The following SNX1 variants were observed in gnomAD, a reference collection of about 807,000 sequenced individuals.
SNX1 encodes the protein sorting nexin-1.
A neutral mutation model predicts 71.8 loss-of-function variants in SNX1; 36 were observed. That is an observed-to-expected ratio of 0.50 (90% confidence interval 0.38 to 0.66). SNX1 has a LOEUF of 0.66. Ranked by LOEUF, SNX1 falls within the 30% of genes least tolerant of loss-of-function variation. SNX1 has a pLI of 0.00. For missense variants in SNX1, 612 were observed against 646.7 expected (o/e 0.95, Z 0.58); for synonymous variants, 254 against 240.7 (o/e 1.06, Z -0.51).
rs114481134 is a variant in SNX1 at position 64,132,402 on chromosome 15, G to T, written c.1221+510G>T. 1,059 of 162,444 alleles carry T rather than the reference G, an allele frequency of 6.5e-3. 14 individuals carry two copies. The highest frequency in any genetic ancestry group is 0.024 in the African/African-American group (1,005 of 41,678). 10.1% of individuals were successfully genotyped at this position (162,444 alleles called of 1,614,324 possible). A position where few individuals can be genotyped will look rare whatever the true frequency, so the allele number is the denominator to read the frequency against. On this transcript the variant is annotated intron_variant, in intron 11 of 14. Coordinates refer to ENST00000559844, the MANE Select transcript of SNX1 (RefSeq NM_003099.5). ...ATTGCATGGAGGAGTGCGGCCAGGG[G>T]ACTGAGAGAGCTTGTCACCAGAGCC...
Position 64,143,132 on chromosome 15 carries a change from G to C in SNX1, c.*5514G>C, listed in dbSNP as rs903658386. 1 of 167,888 alleles carries C rather than the reference G, an allele frequency of 6.0e-6. No homozygotes were observed. The highest frequency in any genetic ancestry group is 2.4e-5 in the African/African-American group (1 of 41,678). 10.4% of individuals were successfully genotyped at this position (167,888 alleles called of 1,614,324 possible). On this transcript the variant is annotated 3_prime_UTR_variant, in exon 15 of 15. Transcript: ENST00000559844. ...TAGGGGGAAGGGGAGGGCGGGAGAAGATAATGGGGATCCCTGGCTCCAAAC... is the reference window on the plus strand; with the variant it reads ...TAGGGGGAAGGGGAGGGCGGGAGAACATAATGGGGATCCCTGGCTCCAAAC...
rs2081374493 is a variant in SNX1 at position 64,137,768 on chromosome 15, C to T, written c.*150C>T. On this transcript the variant is annotated 3_prime_UTR_variant, in exon 15 of 15. Coordinates refer to ENST00000559844, the MANE Select transcript of SNX1 (RefSeq NM_003099.5). The stretch of plus-strand genomic sequence containing the variant: ...CCACGACCAACTGTCCCCAGTTACT[C>T]TAACCGTTATTTCATTTAGCTTCCA... 2 of 1,462,160 alleles carry T rather than the reference C, an allele frequency of 1.4e-6. No homozygotes were observed. The allele number at this position is 1,462,160 out of a possible 1,614,324, so 90.6% of individuals were successfully genotyped here.
At chr15:64,114,986 A>G (rs887960438) in intron 2 of SNX1, among the ~76,000 whole-genome samples, 1 of 152,202 alleles carries the variant, frequency 6.6e-6, no homozygotes, top group African/African-American at 2.4e-5. Context: ...ATTAAAAAAT[A>G]AAAATAAATT....
In SNX1 at chr15:64,134,897, A is replaced by T. The variant is rs548198082; in HGVS notation, c.1365+90A>T. The T allele has an allele frequency of 6.6e-7, 1 of 1,514,414 alleles. No individual in the cohort carries two copies. Among genetic ancestry groups the T allele is most frequent in the East Asian group, 2.4e-5 (1 of 41,480 alleles). 93.8% of individuals were successfully genotyped at this position (1,514,414 alleles called of 1,614,324 possible). A position where few individuals can be genotyped will look rare whatever the true frequency, so the allele number is the denominator to read the frequency against. The stretch of plus-strand genomic sequence containing the variant: ...CCCACCCAGAGGTTTGGAACCCCAC[A>T]GGGGGAAGAGCGCTGATTGAGTCTA... On this transcript the variant is annotated intron_variant, in intron 12 of 14. Transcript: ENST00000559844. This position sits in a 1 kb window ranked among gnomAD's most constrained non-coding sequence, Gnocchi z 4.1.
Position 64,137,849 on chromosome 15 carries a change from T to G in SNX1, c.*231T>G. ...CCTGCTTTAAGCAAAAGACCTACAA[T>G]AGGTGGTGGAATTATGGGATGGGGT... is the stretch of plus-strand genomic sequence containing the variant. On this transcript the variant is annotated 3_prime_UTR_variant, in exon 15 of 15. Transcript: ENST00000559844. The G allele has an allele frequency of 2.1e-6, 3 of 1,411,102 alleles. No individual in the cohort carries two copies. The highest frequency in any genetic ancestry group is 2.8e-6 in the Non-Finnish European group (3 of 1,086,358). The allele number at this position is 1,411,102 out of a possible 1,614,324, so 87.4% of individuals were successfully genotyped here. A position where few individuals can be genotyped will look rare whatever the true frequency, so the allele number is the denominator to read the frequency against.
Position 64,134,517 on chromosome 15 carries a change from T to C in SNX1, c.1222-147T>C, listed in dbSNP as rs982811442. 1.4e-5 allele frequency: 13 copies of C among 913,664 alleles called. No homozygotes were observed. The highest frequency in any genetic ancestry group is 1.9e-5 in the Non-Finnish European group (12 of 620,572). The allele number at this position is 913,664 out of a possible 1,614,324, so 56.6% of individuals were successfully genotyped here. On this transcript the variant is annotated intron_variant, in intron 11 of 14. Coordinates refer to ENST00000559844, the MANE Select transcript of SNX1 (RefSeq NM_003099.5). This position sits in a 1 kb window ranked among gnomAD's most constrained non-coding sequence, Gnocchi z 4.1. ...CAAGCTTTGCTCCTAGACATTAAAC[T>C]TCCCAGCTGGGCACTAACATGTGGC...
chr15:64,141,261 G>C lies in SNX1; in HGVS notation c.*3643G>C, dbSNP rs1398447836. The C allele has an allele frequency of 6.6e-6, 1 of 152,202 alleles. No individual in the cohort carries two copies. The highest frequency in any genetic ancestry group is 1.5e-5 in the Non-Finnish European group (1 of 68,046). 9.4% of individuals were successfully genotyped at this position (152,202 alleles called of 1,614,324 possible). The stretch of plus-strand genomic sequence containing the variant: ...CTAATGATCATTCTGACGTAAGTCT[G>C]TTTTTCTTATTTCCTTGGAATGATG... On this transcript the variant is annotated 3_prime_UTR_variant, in exon 15 of 15. Transcript: ENST00000559844. The surrounding 1 kb of genome is among the most constrained non-coding windows in gnomAD (Gnocchi z 5.1).
At chr15:64,130,156 C>T (rs1004090101) in intron 9 of SNX1, 72 bp from the exon 10 acceptor site, 21 of 1,497,606 alleles carry the variant, frequency 1.4e-5, no homozygotes, top group South Asian at 5.7e-5. Context: ...TTTTGAGAAA[C>T]AACTGCTAAA....
Position 64,126,108 on chromosome 15 carries a change from G to A in SNX1, c.540G>A (p.Gln180=), listed in dbSNP as rs1295102097. 2.5e-6 allele frequency: 4 copies of A among 1,614,148 alleles called. No homozygotes were observed. The highest frequency in any genetic ancestry group is 3.4e-6 in the Non-Finnish European group (4 of 1,180,022). Residue 180 remains glutamine (Q), a synonymous_variant, in exon 6 of 15, where the codon CAG becomes CAA. Transcript: ENST00000559844. ...QTSLPLFRSK[Q]FAVKRRFSDF... ...GCTTACCATTGTTCAGAAGCAAACA[G>A]TTTGCAGTAAAAAGAAGATTTAGTG... is the stretch of plus-strand genomic sequence containing the variant.
chr15:64,120,569 T>G (rs1453463588), intron 4 of SNX1, among the ~76,000 whole-genome samples: 1 of 152,144 alleles, frequency 6.6e-6, no homozygotes, highest in Non-Finnish European at 1.5e-5. Context: ...CCCAGCAGTT[T>G]GGAAGGCCAA....
chr15:64,129,816 T>C lies in SNX1; in HGVS notation c.808-100T>C, dbSNP rs533967521. On this transcript the variant is annotated intron_variant, in intron 8 of 14. Transcript: ENST00000559844. This position sits in a 1 kb window ranked among gnomAD's most constrained non-coding sequence, Gnocchi z 4.4. ...AACAATTTACAGTTCAAATAATTTG[T>C]CTGGCAAGTTTTGGCATGCCATCTG... The C allele has an allele frequency of 5.3e-5, 43 of 809,156 alleles. No individual in the cohort carries two copies. The highest frequency in any genetic ancestry group is 9.1e-5 in the Non-Finnish European group (42 of 461,922). The allele number at this position is 809,156 out of a possible 1,614,324, so 50.1% of individuals were successfully genotyped here.
chr15:64,096,575 C>A (rs2080903659), intron 1 of SNX1, among the ~76,000 whole-genome samples: 1 of 152,190 alleles, frequency 6.6e-6, no homozygotes, highest in Non-Finnish European at 1.5e-5. Flanking sequence ...AGATGAATAG[C>A]GTTATGTGGA....
At chr15:64,096,297 G>C in intron 1 of SNX1, 125 bp downstream of exon 1, 1 of 1,159,684 alleles carries the variant, frequency 8.6e-7, no homozygotes, top group South Asian at 1.5e-5. Flanking sequence ...TCAGCAGTCC[G>C]GGCCCCGGGG....
rs534014577 is a variant in SNX1, at chr15:64,137,956, C to T, written c.*338C>T. On this transcript the variant is annotated 3_prime_UTR_variant, in exon 15 of 15. Coordinates refer to ENST00000559844, the MANE Select transcript of SNX1 (RefSeq NM_003099.5). ...GAACTGGGAATAACGTTTTCTGTTA[C>T]TCCTGATGGTGCCATGAAAAGGTTA... 7 of 1,432,030 alleles carry T rather than the reference C, an allele frequency of 4.9e-6. No homozygotes were observed. The highest frequency in any genetic ancestry group is 9.1e-7 in the Non-Finnish European group (1 of 1,100,636). The allele number at this position is 1,432,030 out of a possible 1,614,324, so 88.7% of individuals were successfully genotyped here.
chr15:64,098,065 C>T (rs1473033048), intron 1 of SNX1, among the ~76,000 whole-genome samples: 1 of 152,186 alleles, frequency 6.6e-6, no homozygotes, highest in Non-Finnish European at 1.5e-5. Context: ...GACATAGTCT[C>T]CCTGTGTTGC....
Position 64,134,416 on chromosome 15 carries a change from C to A in SNX1, c.1222-248C>A. On this transcript the variant is annotated intron_variant, in intron 11 of 14. Coordinates refer to ENST00000559844, the MANE Select transcript of SNX1 (RefSeq NM_003099.5). This position sits in a 1 kb window ranked among gnomAD's most constrained non-coding sequence, Gnocchi z 4.1. ...ACTGGCATGAGGCCACCTACTGGAT[C>A]CCTGCCATCCAGCCCTGGGAGTAGC... The A allele has an allele frequency of 2.0e-6, 1 of 493,830 alleles. No individual in the cohort carries two copies. Among genetic ancestry groups the A allele is most frequent in the Non-Finnish European group, 3.6e-6 (1 of 276,066 alleles). 30.6% of individuals were successfully genotyped at this position (493,830 alleles called of 1,614,324 possible).
chr15:64,136,465 CTCTTGGTGTTGT>C, intron 13 of SNX1, 55 bp downstream of exon 13: 2 of 1,421,092 alleles, frequency 1.4e-6, no homozygotes, highest in East Asian at 4.5e-5. Context: ...TTTGGGAGTA[CTCTTGGTGTTGT>C]CCAACTCTGT....
At chr15:64,105,299 A>C (rs2081009398) in intron 1 of SNX1, among the ~76,000 whole-genome samples, 2 of 152,114 alleles carry the variant, frequency 1.3e-5, no homozygotes, top group Non-Finnish European at 2.9e-5. Context: ...AGGGTTGCCA[A>C]CCCATTGTTT....
chr15:64,129,016 G>A lies in SNX1; in HGVS notation c.808-900G>A, dbSNP rs1459352370. Reference sequence around the variant, plus strand: ...AATTCCAGCACTTTGGGAGGCTGAGGCAGGAGGATCACCTGAGGTCAGGAG... The same window carrying A: ...AATTCCAGCACTTTGGGAGGCTGAGACAGGAGGATCACCTGAGGTCAGGAG... On this transcript the variant is annotated intron_variant, in intron 8 of 14. Transcript: ENST00000559844. This position sits in a 1 kb window ranked among gnomAD's most constrained non-coding sequence, Gnocchi z 4.4. Among the ~76,000 whole-genome samples, 1 of 152,176 alleles carries A rather than the reference G, an allele frequency of 6.6e-6. No homozygotes were observed. The highest frequency in any genetic ancestry group is 1.5e-5 in the Non-Finnish European group (1 of 68,030).
Sources: allele counts gnomAD v4.1 joint callset (sites outside exome capture counted in the v4.1 genomes callset), GRCh38; gene constraint gnomAD v4.1.1; non-coding constraint Gnocchi (gnomAD v3.1); transcripts MANE v1.5; gene names NCBI Gene and HGNC (gene_info 2026-07-23, HGNC 2026-07-21).